The following BRINP3 variants were observed in gnomAD, a reference collection of about 807,000 sequenced individuals.
BRINP3 encodes the protein BMP/retinoic acid-inducible neural-specific protein 3.
BRINP3 carries 19 observed loss-of-function variants against 71.0 expected under a neutral mutation model. The ratio of observed to expected loss-of-function variants is 0.27; its 90% CI spans 0.19 to 0.39. BRINP3 has a LOEUF of 0.39. BRINP3 is among the 10% of genes least tolerant of loss of function. The pLI, the probability that BRINP3 is intolerant of heterozygous loss-of-function variation, is 1.00. For synonymous variants in BRINP3, 380 were observed against 337.7 expected, an observed-to-expected ratio of 1.13 and a Z score of -1.37; for missense variants, 959 against 940.8, an observed-to-expected ratio of 1.02 and a Z score of -0.25.
intron 1 of BRINP3, among the ~76,000 whole-genome samples, chr1:190,461,411 T>C (rs1219486310): frequency 6.6e-6 from 1 of 152,186 alleles, no homozygotes; most frequent in Non-Finnish European, 1.5e-5. Flanking sequence ...TTCATGACCC[T>C]ACAAAGTTGG....
At chr1:190,346,494 A>T (rs938785028) in intron 2 of BRINP3, among the ~76,000 whole-genome samples, 1 of 151,896 alleles carries the variant, frequency 6.6e-6, no homozygotes, top group Admixed American at 6.6e-5. Context: ...TTTCGTTTTT[A>T]AAAAAACTCT....
intron 4 of BRINP3, among the ~76,000 whole-genome samples, chr1:190,253,229 A>G (rs1324413284): frequency 2.0e-5 from 3 of 152,156 alleles, no homozygotes; most frequent in African/African-American, 4.8e-5. Flanking sequence ...ATAGGGCCTC[A>G]ATAAACACGT....
intron 6 of BRINP3, among the ~76,000 whole-genome samples, chr1:190,186,322 G>A (rs528607719): frequency 6.6e-6 from 1 of 152,066 alleles, no homozygotes; most frequent in South Asian, 2.1e-4. Flanking sequence ...AGCCGAGATG[G>A]CACCACTGCA....
chr1:190,278,522 T>G (rs1356943784), intron 3 of BRINP3, among the ~76,000 whole-genome samples: 1 of 151,712 alleles, frequency 6.6e-6, no homozygotes, highest in Non-Finnish European at 1.5e-5. Flanking sequence ...GTATACATTT[T>G]AATCGCAGAT....
At chr1:190,415,589 G>T (rs949942266) in intron 2 of BRINP3, among the ~76,000 whole-genome samples, 1 of 152,044 alleles carries the variant, frequency 6.6e-6, no homozygotes, top group Non-Finnish European at 1.5e-5. Context: ...TGAAAATCTA[G>T]ATATAATATA....
In BRINP3 at chr1:190,098,290, G is replaced by A. The variant is rs764366869; in HGVS notation, c.2029C>T (p.Pro677Ser). The A allele has an allele frequency of 6.2e-7, 1 of 1,614,044 alleles. No individual in the cohort carries two copies. Among genetic ancestry groups the A allele is most frequent in the Admixed American group, 1.7e-5 (1 of 60,002 alleles). ...QVFGYSMHFD[P>S]EAIRDLILQL... The stretch of plus-strand genomic sequence containing the variant: ...AAAATCAGGTCCCGAATTGCTTCAG[G>A]GTCAAAGTGCATGCTGTAGCCAAAC... The change falls in exon 8 of 8, where the codon CCT (proline) becomes TCT (serine). Residue 677 changes from proline to serine, a missense_variant. Physicochemically the swap from Pro to Ser is moderately conservative, Grantham distance 74 (BLOSUM62 -1). Coordinates refer to ENST00000367462, the MANE Select transcript of BRINP3 (RefSeq NM_199051.3).
chr1:190,341,833 C>A (rs1384163274), intron 2 of BRINP3, among the ~76,000 whole-genome samples: 2 of 151,798 alleles, frequency 1.3e-5, no homozygotes, highest in African/African-American at 4.8e-5. Flanking sequence ...CATGTTTCTG[C>A]AGTGTATTTG....
chr1:190,415,634 T>A (rs75486524), intron 2 of BRINP3, among the ~76,000 whole-genome samples: 2 of 152,288 alleles, frequency 1.3e-5, no homozygotes, highest in East Asian at 1.9e-4. Flanking sequence ...CTGGGCACAG[T>A]GGCTCCTGTC....
intron 6 of BRINP3, among the ~76,000 whole-genome samples, chr1:190,221,328 T>G (rs534088868): frequency 3.0e-4 from 46 of 152,304 alleles, no homozygotes; most frequent in Non-Finnish European, 5.1e-4. Context: ...GTTGTTTCTG[T>G]TCTTAGTTTG....
rs983234241 is a variant in BRINP3, at chr1:190,226,266, A to C, written c.777T>G (p.Ala259=). The change falls in exon 6 of 8, where the codon GCT becomes GCG. Residue 259 remains alanine, a synonymous_variant. Coordinates refer to ENST00000367462, the MANE Select transcript of BRINP3 (RefSeq NM_199051.3). ...CTGAATTGCAAGCAATGTAGCTCAAAGCTGCTTGTACAAAACGTTCCTGAA... is the reference window on the plus strand; with the variant it reads ...CTGAATTGCAAGCAATGTAGCTCAACGCTGCTTGTACAAAACGTTCCTGAA... ...DYLQERFVQA[A]LSYIACNSEG... 2 of 1,611,698 alleles carry C rather than the reference A, an allele frequency of 1.2e-6. No homozygotes were observed. The highest frequency in any genetic ancestry group is 1.7e-6 in the Non-Finnish European group (2 of 1,178,714).
In BRINP3 at chr1:190,454,805, A is replaced by G; in HGVS notation, c.86T>C (p.Val29Ala). The change falls in exon 2 of 8, where the codon GTT (valine) becomes GCT (alanine). Residue 29 changes from valine to alanine, a missense_variant. Transcript: ENST00000367462. ...EWIALSLHCW[V>A]LAVAAVSDQH... ...ATCCGAAACAGCAGCAACCGCTAAA[A>G]CCCAGCAATGAAGACTCAGTGCTAT... 1 of 1,614,166 alleles carries G rather than the reference A, an allele frequency of 6.2e-7. No individual in the cohort carries two copies. Among genetic ancestry groups the G allele is most frequent in the Non-Finnish European group, 8.5e-7 (1 of 1,180,022 alleles).
At chr1:190,110,565 C>G (rs1652575421) in intron 7 of BRINP3, among the ~76,000 whole-genome samples, 1 of 152,114 alleles carries the variant, frequency 6.6e-6, no homozygotes. Flanking sequence ...GCCAAGTACC[C>G]TCTACTAAAA....
At chr1:190,163,457 G>C (rs1384603080) in intron 6 of BRINP3, among the ~76,000 whole-genome samples, 30 of 152,000 alleles carry the variant, frequency 2.0e-4, no homozygotes, top group Non-Finnish European at 5.9e-5. Flanking sequence ...TATGTATCAA[G>C]TGAGTACTTT....
At chr1:190,111,182 TAA>T (rs750953190) in intron 7 of BRINP3, among the ~76,000 whole-genome samples, 1,833 of 61,736 alleles carry the variant, frequency 0.03, 63 homozygotes, top group African/African-American at 0.13. Context: ...AAGACTCCAT[TAA>T]AAAAAAAAAA....
At chr1:190,266,488 A>T (rs1181048343) in intron 3 of BRINP3, among the ~76,000 whole-genome samples, 1 of 152,198 alleles carries the variant, frequency 6.6e-6, no homozygotes. Context: ...AAAAACATAT[A>T]TCTCAAGAAT....
intron 2 of BRINP3, among the ~76,000 whole-genome samples, chr1:190,358,380 A>T (rs1292651242): frequency 1.3e-5 from 2 of 152,226 alleles, no homozygotes; most frequent in Admixed American, 1.3e-4. Flanking sequence ...TCAAAAGAAG[A>T]CATTTATGCA....
At chr1:190,123,754 C>A (rs1323632492) in intron 7 of BRINP3, among the ~76,000 whole-genome samples, 1 of 152,058 alleles carries the variant, frequency 6.6e-6, no homozygotes, top group Non-Finnish European at 1.5e-5. Flanking sequence ...TGCAAAAGTT[C>A]CAGTGAATTA....
chr1:190,320,458 G>A (rs1666164687), intron 2 of BRINP3, among the ~76,000 whole-genome samples: 1 of 151,976 alleles, frequency 6.6e-6, no homozygotes, highest in Admixed American at 6.6e-5. Context: ...ATACCACATT[G>A]CTTATTGTTG....
chr1:190,207,903 T>C (rs1425200677), intron 6 of BRINP3, among the ~76,000 whole-genome samples: 2 of 152,092 alleles, frequency 1.3e-5, no homozygotes, highest in African/African-American at 4.8e-5. Flanking sequence ...TGAAGGCATC[T>C]TGTATAGAGT....
Sources: gnomAD v4.1 joint callset for allele counts (sites outside exome capture counted in the v4.1 genomes callset) on GRCh38, gnomAD v4.1.1 for gene constraint, MANE v1.5 for transcripts, NCBI Gene and HGNC (gene_info 2026-07-23, HGNC 2026-07-21) for gene names.